Variants in PSD observed in about 807,000 individuals in gnomAD.
PSD encodes the protein PH and SEC7 domain-containing protein 1.
A neutral mutation model predicts 91.6 loss-of-function variants in PSD; 32 were observed. The ratio of observed to expected loss-of-function variants is 0.35; its 90% CI spans 0.26 to 0.47. The LOEUF (loss-of-function observed/expected upper bound fraction) is 0.47, where lower values mean the gene tolerates loss of function less well. Ranked by LOEUF, PSD falls within the 20% of genes least tolerant of loss-of-function variation. The probability of loss-of-function intolerance (pLI) is 1.00; values close to 1 mark genes in which losing one functional copy is unlikely to be tolerated. For synonymous variants in PSD, 532 were observed against 569.3 expected (o/e 0.93, Z 0.93); for missense variants, 1,099 against 1,373.9 (o/e 0.80, Z 3.16).
Position 102,415,065 on chromosome 10 carries a change from G to A in PSD, c.922C>T (p.Arg308Trp), listed in dbSNP as rs149849990. ...ETDIDEVLAE[R>W]EEADSAIESQ... ...TCGATGGCCGAGTCGGCCTCCTCCC[G>A]CTCAGCCAGCACCTCATCGATGTCA... is the stretch of plus-strand genomic sequence containing the variant. Residue 308 changes from arginine to tryptophan, a missense_variant, in exon 4 of 17, where the codon CGG (arginine) becomes TGG (tryptophan). Around this residue, in one of 3 missense-constraint regions of PSD, gnomAD observed 631 missense variants for 728.8 expected, o/e 0.87. Transcript: ENST00000020673. The A allele has an allele frequency of 9.9e-6, 16 of 1,613,868 alleles. No homozygotes were observed. In the African/African-American group the frequency reaches 1.3e-4, roughly 13 times the overall value.
At position 102,404,149 on chromosome 10, in the gene PSD, C is replaced by T. The variant is rs1013296912; in HGVS notation, c.2701-164G>A. Among the ~76,000 whole-genome samples, 1 of 152,192 alleles carries T rather than the reference C, an allele frequency of 6.6e-6. No individual in the cohort carries two copies. The highest frequency in any genetic ancestry group is 2.4e-5 in the African/African-American group (1 of 41,452). ...GGATCACGAGGTCAGGAGATCGAGA[C>T]CATCCTGGCTAACACGGTGAAACCC... On this transcript the variant is annotated intron_variant, in intron 15 of 16. Coordinates refer to ENST00000020673, the MANE Select transcript of PSD (RefSeq NM_002779.5). This position sits in a 1 kb window ranked among gnomAD's most constrained non-coding sequence, Gnocchi z 5.7.
chr10:102,414,949 G>T lies in PSD; in HGVS notation c.1038C>A (p.Gly346=). Residue 346 remains glycine, a synonymous_variant, in exon 4 of 17, where the codon GGC becomes GGA. Transcript: ENST00000020673. This position sits in a 1 kb window ranked among gnomAD's most constrained non-coding sequence, Gnocchi z 5.6. ...CGTCGTCCTCATCCTCATTGCCACT[G>T]CCGAGGCTGGGATGAGGGCCAGGGA... is the stretch of plus-strand genomic sequence containing the variant. ...GPLPGPHPSL[G]SGNEDEDDDE... is the part of the protein sequence containing the mutation. The T allele has an allele frequency of 6.4e-7, 1 of 1,556,154 alleles. No homozygotes were observed. Among genetic ancestry groups the T allele is most frequent in the Non-Finnish European group, 8.7e-7 (1 of 1,145,300 alleles).
In PSD at chr10:102,403,550, A is replaced by AGAT; in HGVS notation, c.2845-123_2845-121dup. 1.0e-6 allele frequency: 1 copy of AGAT among 1,001,610 alleles called. No individual in the cohort carries two copies. Among genetic ancestry groups the AGAT allele is most frequent in the Non-Finnish European group, 1.4e-6 (1 of 694,532 alleles). 62.0% of individuals were successfully genotyped at this position (1,001,610 alleles called of 1,614,324 possible). ...TGGCAGGTGCCCACCCAGGACTGTG[A>AGAT]GATGGTCCCATGCGGGCTGGTGCCC... On this transcript the variant is annotated intron_variant, in intron 16 of 16. Transcript: ENST00000020673. The surrounding 1 kb of genome is among the most constrained non-coding windows in gnomAD (Gnocchi z 6.7).
chr10:102,416,914 C>T lies in PSD; in HGVS notation c.125G>A (p.Ser42Asn). 2 of 1,607,672 alleles carry T rather than the reference C, an allele frequency of 1.2e-6. No homozygotes were observed. The highest frequency in any genetic ancestry group is 1.7e-6 in the Non-Finnish European group (2 of 1,179,142). ...CACTCGCCGTAGCAAGGAGCCTGTG[C>T]TGCCATACATGCTGGCTGGGGGGCT... ...PQSPPASMYG[S>N]TGSLLRRVAG... The change falls in exon 2 of 17, where the codon AGC (serine) becomes AAC (asparagine). Residue 42 changes from serine to asparagine, a missense_variant. Ser to Asn is a conservative substitution (Grantham distance 46). Transcript: ENST00000020673. This position sits in a 1 kb window ranked among gnomAD's most constrained non-coding sequence, Gnocchi z 6.0.
rs145514167 is a variant in PSD at position 102,415,162 on chromosome 10, C to T, written c.825G>A (p.Val275=). Residue 275 remains valine, a synonymous_variant, in exon 4 of 17, where the codon GTG becomes GTA. Coordinates refer to ENST00000020673, the MANE Select transcript of PSD (RefSeq NM_002779.5). ...PGVGSRQGSG[V]AVGRAAKYSE... is the part of the protein sequence containing the mutation. ...AGTACTTGGCTGCTCGCCCCACAGC[C>T]ACCCCAGAGCCCTGCCTTGAGCCCA... The T allele has an allele frequency of 2.0e-3, 3,235 of 1,613,366 alleles. 10 individuals carry two copies. Among genetic ancestry groups the T allele is most frequent in the Admixed American group, 3.0e-3 (181 of 60,026 alleles).
At chr10:102,412,915 T>C (rs1040097309) in intron 5 of PSD, among the ~76,000 whole-genome samples, 1 of 152,148 alleles carries the variant, frequency 6.6e-6, no homozygotes, top group Non-Finnish European at 1.5e-5. Context: ...GTCCTTTGTC[T>C]CTTAGACTAT....
chr10:102,410,918 G>C lies in PSD; in HGVS notation c.2031C>G (p.Asp677Glu). Residue 677 changes from aspartate to glutamate, a missense_variant, in exon 10 of 17, where the codon GAC (aspartate) becomes GAG (glutamate). By Grantham distance (45) the Asp-to-Glu change is conservative. Transcript: ENST00000020673. The surrounding 1 kb of genome is among the most constrained non-coding windows in gnomAD (Gnocchi z 6.0). ...TGAGGCCCTCCAGGTTCCCGATGAA[G>C]TCCCCGCAGGTCATGCGCTTCCCGA... The part of the protein sequence containing the change: ...HNIGKRMTCG[D>E]FIGNLEGLND... 1 of 1,613,956 alleles carries C rather than the reference G, an allele frequency of 6.2e-7. No individual in the cohort carries two copies. The highest frequency in any genetic ancestry group is 8.5e-7 in the Non-Finnish European group (1 of 1,179,810).
chr10:102,417,083 A>T lies in PSD; in HGVS notation c.-45T>A. On this transcript the variant is annotated 5_prime_UTR_variant, in exon 2 of 17. Transcript: ENST00000020673. Reference sequence around the variant, plus strand: ...CTGGGGGGGCAGGGATGGCGAGGCCAGGCGGGGAGTAAGGGGGCTGCATGC... The same window carrying T: ...CTGGGGGGGCAGGGATGGCGAGGCCTGGCGGGGAGTAAGGGGGCTGCATGC... 3.6e-6 allele frequency: 4 copies of T among 1,121,068 alleles called. No homozygotes were observed. Among genetic ancestry groups the T allele is most frequent in the Non-Finnish European group, 5.1e-6 (4 of 788,822 alleles). 69.4% of individuals were successfully genotyped at this position (1,121,068 alleles called of 1,614,324 possible).
chr10:102,408,800 TCCGCCCTCGGTTGGCA>T (rs1446485655), intron 10 of PSD: 1,954 of 827,558 alleles, frequency 2.4e-3, no homozygotes, highest in Non-Finnish European at 2.8e-3. Context: ...CCTACCAGGC[TCCGCCCTCGGTTGGCA>T]CCGCCCTCGG....
At chr10:102,417,704 CTTCT>C (rs1352360010) in intron 1 of PSD, among the ~76,000 whole-genome samples, 1 of 120,038 alleles carries the variant, frequency 8.3e-6, no homozygotes, top group East Asian at 2.5e-4. Flanking sequence ...AAGGGACATT[CTTCT>C]TTTTTTTTTT....
In PSD at chr10:102,405,727, C is replaced by T. The variant is rs2061353509; in HGVS notation, c.2136-191G>A. On this transcript the variant is annotated intron_variant, in intron 11 of 16. Transcript: ENST00000020673. The surrounding 1 kb of genome is among the most constrained non-coding windows in gnomAD (Gnocchi z 5.4). ...GTAGCTGTGCCTCCTCAGAGCAGGG[C>T]ACCTCCCTCAGAGCTCCCCAGCCTA... 5 of 603,220 alleles carry T rather than the reference C, an allele frequency of 8.3e-6. No individual in the cohort carries two copies. The highest frequency in any genetic ancestry group is 2.1e-5 in the South Asian group (1 of 48,286). The allele number at this position is 603,220 out of a possible 1,614,324, so 37.4% of individuals were successfully genotyped here. A position where few individuals can be genotyped will look rare whatever the true frequency, so the allele number is the denominator to read the frequency against.
chr10:102,410,855 C>T lies in PSD; in HGVS notation c.2091+3G>A, dbSNP rs771985151. 6.2e-7 allele frequency: 1 copy of T among 1,612,010 alleles called. No individual in the cohort carries two copies. The highest frequency in any genetic ancestry group is 1.1e-5 in the South Asian group (1 of 91,018). The stretch of plus-strand genomic sequence containing the variant: ...GCGACTTCTACCCTGCCCCGCCCCC[C>T]ACCTTGAGCAGCTCCCTAGGGAAGT... On this transcript the variant is annotated splice_donor_region_variant and intron_variant, in intron 10 of 16. Coordinates refer to ENST00000020673, the MANE Select transcript of PSD (RefSeq NM_002779.5). The surrounding 1 kb of genome is among the most constrained non-coding windows in gnomAD (Gnocchi z 6.0).
chr10:102,406,952 C>CAGGG (rs2061369315), intron 11 of PSD, among the ~76,000 whole-genome samples: 1 of 152,182 alleles, frequency 6.6e-6, no homozygotes, highest in Non-Finnish European at 1.5e-5. Context: ...CTTTCCCACT[C>CAGGG]AGGTTGCCAG....
At chr10:102,412,623 C>A (rs1249897335) in intron 5 of PSD, 48 bp from the exon 6 acceptor site, 1 of 1,508,610 alleles carries the variant, frequency 6.6e-7, no homozygotes, top group Non-Finnish European at 9.0e-7. Flanking sequence ...TCCTTAGGAG[C>A]CATCCAGACC....
Position 102,414,317 on chromosome 10 carries a change from G to C in PSD, c.1125-120C>G, listed in dbSNP as rs2061453804. On this transcript the variant is annotated intron_variant, in intron 4 of 16. Coordinates refer to ENST00000020673, the MANE Select transcript of PSD (RefSeq NM_002779.5). This position sits in a 1 kb window ranked among gnomAD's most constrained non-coding sequence, Gnocchi z 5.6. ...TATCATCCCCTTTTCACTGGCTCCA[G>C]CCCACTAACAAAAAAGAGCCTCTAG... 4 of 1,027,830 alleles carry C rather than the reference G, an allele frequency of 3.9e-6. No homozygotes were observed. The highest frequency in any genetic ancestry group is 3.4e-5 in the South Asian group (2 of 59,008). 63.7% of individuals were successfully genotyped at this position (1,027,830 alleles called of 1,614,324 possible).
In PSD at chr10:102,411,833, A is replaced by AAG; in HGVS notation, c.1830-16_1830-15dup. ...TTCAGAAACACCCTGGAGAAGGGGCAAGAGAGGGTTGCCTAGCAACCAGGA... is the reference window on the plus strand; with the variant it reads ...TTCAGAAACACCCTGGAGAAGGGGCAAGAGAGAGGGTTGCCTAGCAACCAGGA... On this transcript the variant is annotated splice_polypyrimidine_tract_variant and intron_variant, in intron 7 of 16. Transcript: ENST00000020673. 2 of 1,596,046 alleles carry AAG rather than the reference A, an allele frequency of 1.3e-6. No homozygotes were observed.
chr10:102,411,570 G>C (rs1009520400), intron 8 of PSD, 137 bp downstream of exon 8: 1 of 699,586 alleles, frequency 1.4e-6, no homozygotes, highest in African/African-American at 1.7e-5. Context: ...CTGCACACAT[G>C]CAAGTTCACA....
chr10:102,404,253 C>A lies in PSD; in HGVS notation c.2701-268G>T, dbSNP rs987591603. Among the ~76,000 whole-genome samples, 1 of 150,030 alleles carries A rather than the reference C, an allele frequency of 6.7e-6. No individual in the cohort carries two copies. Among genetic ancestry groups the A allele is most frequent in the Non-Finnish European group, 1.5e-5 (1 of 67,858 alleles). On this transcript the variant is annotated intron_variant, in intron 15 of 16. Transcript: ENST00000020673. This position sits in a 1 kb window ranked among gnomAD's most constrained non-coding sequence, Gnocchi z 5.7. Reference sequence around the variant, plus strand: ...GTCCCAGCTACTCAGGAGGCTGGGGCAGGAGAACGGCGTGAACCCGGGAGG... The same window carrying A: ...GTCCCAGCTACTCAGGAGGCTGGGGAAGGAGAACGGCGTGAACCCGGGAGG...
At chr10:102,408,841 C>G in intron 10 of PSD, 1 of 979,336 alleles carries the variant, frequency 1.0e-6, no homozygotes, top group Non-Finnish European at 1.2e-6. Context: ...TCCCACAAGC[C>G]GCCCCCTCGG....
Sources: gnomAD v4.1 joint callset for allele counts (sites outside exome capture counted in the v4.1 genomes callset) on GRCh38, gnomAD v4.1.1 for gene constraint, gnomAD v4.1.1 regional missense constraint, Gnocchi (gnomAD v3.1) non-coding constraint, MANE v1.5 for transcripts, NCBI Gene and HGNC (gene_info 2026-07-23, HGNC 2026-07-21) for gene names.